Variants in DISC1 observed in about 807,000 individuals in gnomAD.
DISC1 encodes the protein DISC1 scaffold protein.
A neutral mutation model predicts 84.5 loss-of-function variants in DISC1; 57 were observed. That is an observed-to-expected ratio of 0.67 (90% CI 0.55 to 0.84). The LOEUF is 0.84. DISC1 is among the 40% of genes least tolerant of loss of function. DISC1 has a pLI of 0.00. For missense variants in DISC1, 1,000 were observed against 1,057.8 expected (o/e 0.95, Z 0.76); for synonymous variants, 411 against 415.2 (o/e 0.99, Z 0.12).
At chr1:231,835,633 G>T (rs1257925163) in intron 9 of DISC1, among the ~76,000 whole-genome samples, 1 of 152,158 alleles carries the variant, frequency 6.6e-6, no homozygotes. Context: ...CTTAGCTTGG[G>T]CTCAGAGGCC....
chr1:231,909,856 C>T (rs1331626218), intron 9 of DISC1, among the ~76,000 whole-genome samples: 1 of 152,120 alleles, frequency 6.6e-6, no homozygotes, highest in South Asian at 2.1e-4. Context: ...ATTTCAGAGC[C>T]TGTTATTGGT....
intron 10 of DISC1, among the ~76,000 whole-genome samples, chr1:232,001,557 G>T (rs1666694214): frequency 6.6e-6 from 1 of 152,134 alleles, no homozygotes; most frequent in South Asian, 2.1e-4. Context: ...TAAATAAATT[G>T]AGATGAAACC....
At chr1:231,798,376 A>T (rs1475505453) in intron 7 of DISC1, among the ~76,000 whole-genome samples, 2 of 152,174 alleles carry the variant, frequency 1.3e-5, no homozygotes, top group African/African-American at 4.8e-5. Flanking sequence ...AAGATTCAGA[A>T]AGGTTGTTTA....
At chr1:231,874,696 G>T (rs2085732911) in intron 9 of DISC1, among the ~76,000 whole-genome samples, 1 of 151,738 alleles carries the variant, frequency 6.6e-6, no homozygotes, top group Non-Finnish European at 1.5e-5. Context: ...CGGATCACGA[G>T]GTCAGGAGAT....
intron 3 of DISC1, among the ~76,000 whole-genome samples, chr1:231,718,966 T>C (rs1459543922): frequency 6.6e-6 from 1 of 152,052 alleles, no homozygotes; most frequent in Admixed American, 6.6e-5. Context: ...GGACCCCATG[T>C]CTATAAAATT....
intron 1 of DISC1, among the ~76,000 whole-genome samples, chr1:231,690,313 A>T (rs1027177046): frequency 6.6e-6 from 1 of 152,330 alleles, no homozygotes; most frequent in African/African-American, 2.4e-5. Context: ...AGCAGCAGAG[A>T]AAGCTGCGCC....
intron 9 of DISC1, chr1:231,944,956 A>ACT (rs1419524369): frequency 1.3e-5 from 2 of 152,200 alleles, no homozygotes; most frequent in Admixed American, 1.3e-4. Flanking sequence ...GTTCTTAGAG[A>ACT]CCTACAAAGC....
At position 232,039,951 on chromosome 1, in the gene DISC1, G is replaced by GCTGT. The variant is rs3028413; in HGVS notation, c.*3122_*3123insGTCT. ...CTTTCACTGGCCTGAGTTAGGACAT[G>GCTGT]CTATCAGTAATAGTCCCAGTTCCAT... On this transcript the variant is annotated 3_prime_UTR_variant, in exon 13 of 13. Transcript: ENST00000439617. The GCTGT allele has an allele frequency of 0.35, 53,658 of 151,572 alleles. 10,318 individuals are homozygous for GCTGT. The highest frequency in any genetic ancestry group is 0.51 in the African/African-American group (20,953 of 41,214). 9.4% of individuals were successfully genotyped at this position (151,572 alleles called of 1,614,324 possible). A position where few individuals can be genotyped will look rare whatever the true frequency, so the allele number is the denominator to read the frequency against.
At chr1:231,786,757 C>T (rs879588832) in intron 6 of DISC1, among the ~76,000 whole-genome samples, 7 of 151,822 alleles carry the variant, frequency 4.6e-5, no homozygotes, top group Admixed American at 3.3e-4. Flanking sequence ...GCCTGTATGC[C>T]CAGGTAATAT....
intron 8 of DISC1, among the ~76,000 whole-genome samples, chr1:231,807,864 G>GA (rs1179851051): frequency 6.6e-6 from 1 of 152,172 alleles, no homozygotes; most frequent in Non-Finnish European, 1.5e-5. Context: ...TAAAAGCTGT[G>GA]AAAAAAACTT....
chr1:231,972,853 A>G (rs1046256577), intron 10 of DISC1, among the ~76,000 whole-genome samples: 4 of 152,194 alleles, frequency 2.6e-5, no homozygotes, highest in African/African-American at 7.2e-5. Context: ...TTTAGGAAAA[A>G]GCAAATAAGC....
At chr1:231,806,618 G>T (rs759629648) in intron 8 of DISC1, among the ~76,000 whole-genome samples, 11 of 152,344 alleles carry the variant, frequency 7.2e-5, no homozygotes, top group Admixed American at 2.6e-4. Context: ...TAGGAGGTTT[G>T]CCCTGGGACA....
At chr1:232,032,901 A>G (rs184533132) in intron 12 of DISC1, among the ~76,000 whole-genome samples, 290 of 152,350 alleles carry the variant, frequency 1.9e-3, no homozygotes, top group African/African-American at 6.6e-3. Flanking sequence ...TGGATTAGTG[A>G]TCAGAAAATC....
At chr1:231,894,745 TTGTGTG>T (rs3222846) in intron 9 of DISC1, among the ~76,000 whole-genome samples, 17,416 of 144,418 alleles carry the variant, frequency 0.12, 1,171 homozygotes, top group East Asian at 0.31. Context: ...GTGTCATCTG[TTGTGTG>T]TGTGTGTGTG....
Position 231,714,425 on chromosome 1 carries a change from C to T in DISC1, c.1117+12401C>T, listed in dbSNP as rs189110157. ...AATAAAGTTGGACTCTTGTCTCACACCTTAAACAAAGTTTAACTCCAAACT... is the reference window on the plus strand; with the variant it reads ...AATAAAGTTGGACTCTTGTCTCACATCTTAAACAAAGTTTAACTCCAAACT... On this transcript the variant is annotated intron_variant, in intron 3 of 12. Transcript: ENST00000439617. 1.6e-3 allele frequency among the ~76,000 whole-genome samples: 246 copies of T among 152,238 alleles called. 1 individual carries two copies. The highest frequency in any genetic ancestry group is 7.8e-4 in the Admixed American group (12 of 15,298).
At chr1:231,748,128 T>C (rs942924721) in intron 3 of DISC1, among the ~76,000 whole-genome samples, 3 of 152,192 alleles carry the variant, frequency 2.0e-5, no homozygotes, top group African/African-American at 7.2e-5. Context: ...TTCTAAGAGT[T>C]TTTTTGCTAG....
chr1:231,818,865 C>G, intron 9 of DISC1: 32 of 1,095,494 alleles, frequency 2.9e-5, no homozygotes, highest in Non-Finnish European at 3.6e-5. Context: ...TTGGCTCCGT[C>G]TCCTTGTCTG....
intron 10 of DISC1, 44 bp from the exon 11 acceptor site, chr1:232,008,741 A>G: frequency 6.6e-7 from 1 of 1,519,400 alleles, no homozygotes; most frequent in Non-Finnish European, 8.8e-7. Context: ...ATGATGAAAC[A>G]TCACTGAGTT....
At position 232,026,536 on chromosome 1, in the gene DISC1, T is replaced by A; in HGVS notation, c.2409T>A (p.His803Gln). ...EDQLHTAIHSHDEDLIQSLRR... is the reference protein window; with the variant it reads ...EDQLHTAIHSQDEDLIQSLRR... ...AACTTCACACAGCAATCCACAGTCATGATGAAGATCTCATTCATATCCTTT... is the reference window on the plus strand; with the variant it reads ...AACTTCACACAGCAATCCACAGTCAAGATGAAGATCTCATTCATATCCTTT... The change falls in exon 12 of 13, where the codon CAT becomes CAA. Residue 803 changes from histidine (H) to glutamine (Q), a missense_variant. By Grantham distance (24) the His-to-Gln change is conservative. Coordinates refer to ENST00000439617, the MANE Select transcript of DISC1 (RefSeq NM_018662.3). The A allele has an allele frequency of 6.2e-7, 1 of 1,602,986 alleles. No individual in the cohort carries two copies. The highest frequency in any genetic ancestry group is 8.5e-7 in the Non-Finnish European group (1 of 1,173,934).
Sources: allele counts gnomAD v4.1 joint callset (sites outside exome capture counted in the v4.1 genomes callset), GRCh38; gene constraint gnomAD v4.1.1; transcripts MANE v1.5; gene names NCBI Gene and HGNC (gene_info 2026-07-23, HGNC 2026-07-21).